The following ZMAT4 variants were observed in gnomAD, a reference collection of about 807,000 sequenced individuals.
The protein encoded by ZMAT4 is zinc finger matrin-type 4, also known as zinc finger matrin-type protein 4.
Under a neutral mutation model 28.7 loss-of-function variants are expected in ZMAT4, and 17 were observed. That is an observed-to-expected ratio of 0.59 (90% confidence interval 0.41 to 0.89). ZMAT4 has a LOEUF of 0.89. ZMAT4 is among the 40% of genes least tolerant of loss of function. The pLI is 0.00. For synonymous variants in ZMAT4, 117 were observed against 109.2 expected, an observed-to-expected ratio of 1.07 and a Z score of -0.44; for missense variants, 240 against 283.8, an observed-to-expected ratio of 0.85 and a Z score of 1.11.
At chr8:40,535,477 T>A (rs189264330) in intron 6 of ZMAT4, among the ~76,000 whole-genome samples, 27 of 152,184 alleles carry the variant, frequency 1.8e-4, no homozygotes, top group Admixed American at 9.8e-4. Flanking sequence ...GAGACCATCC[T>A]GGCCAACATG....
At chr8:40,535,867 G>C (rs1201283508) in intron 6 of ZMAT4, among the ~76,000 whole-genome samples, 2 of 152,158 alleles carry the variant, frequency 1.3e-5, no homozygotes, top group Non-Finnish European at 2.9e-5. Flanking sequence ...CCTTAGCCAT[G>C]ATGAAGCCTA....
intron 1 of ZMAT4, among the ~76,000 whole-genome samples, chr8:40,855,309 G>A (rs1817258488): frequency 6.6e-6 from 1 of 152,102 alleles, no homozygotes; most frequent in Admixed American, 6.5e-5. Flanking sequence ...CATCAGAGGT[G>A]GTTATGGGCT....
intron 5 of ZMAT4, among the ~76,000 whole-genome samples, chr8:40,632,554 G>C (rs542858074): frequency 6.6e-6 from 1 of 152,080 alleles, no homozygotes; most frequent in Non-Finnish European, 1.5e-5. Flanking sequence ...AGATTAACGT[G>C]TTTATGAAAG....
chr8:40,571,244 A>G (rs945110986), intron 6 of ZMAT4, among the ~76,000 whole-genome samples: 4 of 152,218 alleles, frequency 2.6e-5, no homozygotes, highest in Admixed American at 6.5e-5. Context: ...ATCTAGTCAC[A>G]TACTGTAATT....
intron 2 of ZMAT4, among the ~76,000 whole-genome samples, chr8:40,773,171 C>T (rs1452664157): frequency 6.6e-6 from 1 of 152,164 alleles, no homozygotes; most frequent in Non-Finnish European, 1.5e-5. Flanking sequence ...AGGGGAAGAA[C>T]ATTGGGCACA....
chr8:40,832,675 G>A (rs912322968), intron 1 of ZMAT4, among the ~76,000 whole-genome samples: 2 of 152,178 alleles, frequency 1.3e-5, no homozygotes, highest in Non-Finnish European at 2.9e-5. Context: ...CTCCACAGCC[G>A]ACTAAAAATG....
intron 5 of ZMAT4, among the ~76,000 whole-genome samples, chr8:40,629,299 C>T (rs1354731475): frequency 6.6e-6 from 1 of 151,476 alleles, no homozygotes; most frequent in Non-Finnish European, 1.5e-5. Context: ...TTGTTTTTTA[C>T]TTTCATCCCC....
chr8:40,836,584 C>A (rs1051984438), intron 1 of ZMAT4, among the ~76,000 whole-genome samples: 4 of 152,182 alleles, frequency 2.6e-5, no homozygotes, highest in Non-Finnish European at 5.9e-5. Context: ...TCATAGCAAT[C>A]TAATATTTAC....
chr8:40,635,942 T>C (rs1806776169), intron 5 of ZMAT4, among the ~76,000 whole-genome samples: 1 of 152,192 alleles, frequency 6.6e-6, no homozygotes, highest in African/African-American at 2.4e-5. Context: ...CTGGAACAGT[T>C]TGGGGGCCTC....
chr8:40,883,735 C>T (rs1207819890), intron 1 of ZMAT4, among the ~76,000 whole-genome samples: 4 of 152,166 alleles, frequency 2.6e-5, no homozygotes, highest in Non-Finnish European at 5.9e-5. Context: ...TGAGCCCAGG[C>T]CAATGGACTC....
At chr8:40,805,430 C>T (rs1284711829) in intron 2 of ZMAT4, among the ~76,000 whole-genome samples, 1 of 149,734 alleles carries the variant, frequency 6.7e-6, no homozygotes, top group Non-Finnish European at 1.5e-5. Flanking sequence ...CCAGCCATCC[C>T]ATTACTGGGT....
intron 3 of ZMAT4, among the ~76,000 whole-genome samples, chr8:40,756,050 C>G (rs943463922): frequency 6.6e-6 from 1 of 152,218 alleles, no homozygotes; most frequent in South Asian, 2.1e-4. Flanking sequence ...ATGAAGGGAA[C>G]CCATACACAT....
chr8:40,830,630 G>T (rs1015143437), intron 1 of ZMAT4, among the ~76,000 whole-genome samples: 8 of 152,200 alleles, frequency 5.3e-5, no homozygotes, highest in African/African-American at 1.9e-4. Flanking sequence ...AAATAGTGCT[G>T]CAATGAACAT....
chr8:40,558,806 C>T (rs2118454398), intron 6 of ZMAT4, among the ~76,000 whole-genome samples: 1 of 152,052 alleles, frequency 6.6e-6, no homozygotes, highest in East Asian at 1.9e-4. Context: ...CCAGCCACGA[C>T]AGGATGAGAG....
chr8:40,695,768 ATTTTTTTTTTTTTTTTTTTT>A (rs756360990), intron 4 of ZMAT4, among the ~76,000 whole-genome samples: 2 of 58,468 alleles, frequency 3.4e-5, no homozygotes, highest in African/African-American at 6.8e-5. Flanking sequence ...CCATGTGGCA[ATTTTTTTTTTTTTTTTTTTT>A]TTTTTTTTTT....
chr8:40,613,655 TG>T (rs1189538914), intron 5 of ZMAT4, among the ~76,000 whole-genome samples: 3 of 152,314 alleles, frequency 2.0e-5, no homozygotes, highest in Non-Finnish European at 4.4e-5. Context: ...TCTGTCATCT[TG>T]GATTTCCTTA....
At chr8:40,535,425 C>T (rs1802815036) in intron 6 of ZMAT4, among the ~76,000 whole-genome samples, 1 of 152,158 alleles carries the variant, frequency 6.6e-6, no homozygotes, top group Non-Finnish European at 1.5e-5. Context: ...AATCCCAGCA[C>T]TTTGGGAGGC....
intron 2 of ZMAT4, among the ~76,000 whole-genome samples, chr8:40,810,972 A>G (rs1815291399): frequency 6.6e-6 from 1 of 152,222 alleles, no homozygotes; most frequent in Admixed American, 6.5e-5. Flanking sequence ...TAACAATAAT[A>G]TATATCAAAT....
intron 6 of ZMAT4, among the ~76,000 whole-genome samples, chr8:40,532,994 A>G (rs1291700431): frequency 6.6e-6 from 1 of 152,104 alleles, no homozygotes; most frequent in African/African-American, 2.4e-5. Flanking sequence ...AAAAAAAAAA[A>G]AAATTCTTTC....
Sources: allele counts gnomAD v4.1 joint callset (sites outside exome capture counted in the v4.1 genomes callset), GRCh38; gene constraint gnomAD v4.1.1; transcripts MANE v1.5; gene names NCBI Gene and HGNC (gene_info 2026-07-23, HGNC 2026-07-21).